The following TENT2 variants were observed in gnomAD, a reference collection of about 807,000 sequenced individuals.
The protein encoded by TENT2 is terminal nucleotidyltransferase 2.
A neutral mutation model predicts 72.2 loss-of-function variants in TENT2; 44 were observed. The observed-to-expected ratio is 0.61, with a 90% CI of 0.48 to 0.78. The LOEUF (loss-of-function observed/expected upper bound fraction) is 0.78. Ranked by LOEUF, TENT2 falls within the 30% of genes least tolerant of loss-of-function variation. The probability of loss-of-function intolerance (pLI) is 0.00; values close to 1 mark genes in which losing one functional copy is unlikely to be tolerated. For synonymous variants in TENT2, 212 were observed against 192.5 expected (o/e 1.10, Z -0.84); for missense variants, 541 against 569.6 (o/e 0.95, Z 0.51).
At chr5:79,666,025 C>T (rs1452640375) in intron 11 of TENT2, among the ~76,000 whole-genome samples, 1 of 150,606 alleles carries the variant, frequency 6.6e-6, no homozygotes, top group African/African-American at 2.4e-5. Context: ...GCTCTGTTAC[C>T]CAGGCTGGGA....
chr5:79,669,168 T>C, intron 12 of TENT2, 140 bp downstream of exon 12: 1 of 1,018,962 alleles, frequency 9.8e-7, no homozygotes, highest in Non-Finnish European at 1.4e-6. Flanking sequence ...GTTGTAAAGT[T>C]GTCCAGAAAT....
chr5:79,642,054 C>CTTT (rs1784889441), intron 6 of TENT2, among the ~76,000 whole-genome samples: 1 of 151,770 alleles, frequency 6.6e-6, no homozygotes, highest in African/African-American at 2.4e-5. Flanking sequence ...TTGAGGCAGC[C>CTTT]TTTTTAAGAT....
At chr5:79,639,216 C>T (rs1782538141) in intron 4 of TENT2, among the ~76,000 whole-genome samples, 1 of 151,434 alleles carries the variant, frequency 6.6e-6, no homozygotes, top group Non-Finnish European at 1.5e-5. Flanking sequence ...ATTTGGTATT[C>T]TCAATTTTCT....
chr5:79,635,348 C>T (rs935840427), intron 4 of TENT2, among the ~76,000 whole-genome samples: 4 of 152,208 alleles, frequency 2.6e-5, no homozygotes, highest in African/African-American at 9.6e-5. Flanking sequence ...AATTCTTTCA[C>T]ATAAAAACTC....
intron 3 of TENT2, among the ~76,000 whole-genome samples, chr5:79,623,017 A>G (rs982037164): frequency 3.3e-5 from 5 of 152,010 alleles, no homozygotes; most frequent in African/African-American, 9.7e-5. Context: ...ACTAACCTCA[A>G]TATATACATG....
chr5:79,649,659 AT>A (rs1309619722), intron 10 of TENT2, among the ~76,000 whole-genome samples: 1 of 152,196 alleles, frequency 6.6e-6, no homozygotes, highest in African/African-American at 2.4e-5. Flanking sequence ...TGGCTCCCAA[AT>A]TTTAATTTTG....
intron 3 of TENT2, among the ~76,000 whole-genome samples, chr5:79,622,684 T>C (rs1580200253): frequency 6.6e-6 from 1 of 152,222 alleles, no homozygotes; most frequent in African/African-American, 2.4e-5. Flanking sequence ...TTTTCTTCTA[T>C]ATAACCAAAA....
At chr5:79,659,990 G>T (rs1428455349) in intron 11 of TENT2, among the ~76,000 whole-genome samples, 1 of 151,796 alleles carries the variant, frequency 6.6e-6, no homozygotes, top group African/African-American at 2.4e-5. Flanking sequence ...AGGAAACCGC[G>T]GAGTTCTTTT....
Position 79,688,061 on chromosome 5 carries a change from C to T in TENT2, c.*2788C>T, listed in dbSNP as rs1826598760. Reference sequence around the variant, plus strand: ...GGAAGCCTTGACTCTGCTGTTTTCCCTCCTTATGCCCCACTAGCTGATGTA... The same window carrying T: ...GGAAGCCTTGACTCTGCTGTTTTCCTTCCTTATGCCCCACTAGCTGATGTA... On this transcript the variant is annotated 3_prime_UTR_variant, in exon 15 of 15. Coordinates refer to ENST00000453514, the MANE Select transcript of TENT2 (RefSeq NM_001114394.3). Among the ~76,000 whole-genome samples the T allele has an allele frequency of 6.6e-6, 1 of 152,166 alleles. No individual in the cohort carries two copies. Among genetic ancestry groups the T allele is most frequent in the Admixed American group, 6.5e-5 (1 of 15,272 alleles).
chr5:79,665,445 A>G (rs1199705339), intron 11 of TENT2, among the ~76,000 whole-genome samples: 2 of 152,196 alleles, frequency 1.3e-5, no homozygotes, highest in Non-Finnish European at 2.9e-5. Flanking sequence ...CAGTCTCAGA[A>G]AAAAATGATG....
At chr5:79,631,335 G>A (rs372733989) in intron 4 of TENT2, among the ~76,000 whole-genome samples, 215 of 152,344 alleles carry the variant, frequency 1.4e-3, no homozygotes, top group African/African-American at 5.1e-3. Flanking sequence ...TAGAATGGAA[G>A]AGGAGGAAGA....
intron 3 of TENT2, among the ~76,000 whole-genome samples, chr5:79,621,934 G>A (rs1765351322): frequency 6.6e-6 from 1 of 151,996 alleles, no homozygotes; most frequent in Non-Finnish European, 1.5e-5. Flanking sequence ...TTTTACCTGT[G>A]AGTAGGGGTT....
intron 11 of TENT2, among the ~76,000 whole-genome samples, chr5:79,658,968 G>A (rs1170090600): frequency 6.6e-6 from 1 of 152,054 alleles, no homozygotes; most frequent in Non-Finnish European, 1.5e-5. Flanking sequence ...CTGTAATGGG[G>A]AAATAGATTT....
intron 7 of TENT2, 156 bp downstream of exon 7, chr5:79,643,066 A>G: frequency 1.3e-6 from 1 of 764,908 alleles, no homozygotes; most frequent in African/African-American, 1.9e-5. Flanking sequence ...TTTTGATGAA[A>G]AAGAAGAGTG....
rs575700352 is a variant in TENT2 at position 79,649,146 on chromosome 5, T to C, written c.983T>C (p.Leu328Ser). 3 of 1,613,574 alleles carry C rather than the reference T, an allele frequency of 1.9e-6. No individual in the cohort carries two copies. The African/African-American group carries it at 4.0e-5, about 22-fold the overall frequency. ...ATAAATGATGCCAGTCGTGGTACTT[T>C]AAGCAGCTATAGTCTTGTATTGATG... ...HQINDASRGT[L>S]SSYSLVLMVL... The change falls in exon 10 of 15, where the codon TTA (leucine) becomes TCA (serine). Residue 328 changes from leucine (L) to serine (S), a missense_variant. Leu to Ser is a moderately radical substitution (Grantham distance 145, BLOSUM62 -2). Coordinates refer to ENST00000453514, the MANE Select transcript of TENT2 (RefSeq NM_001114394.3).
chr5:79,619,590 T>C (rs1763124828), intron 1 of TENT2, 22 bp from the exon 2 acceptor site: 3 of 1,485,212 alleles, frequency 2.0e-6, no homozygotes, highest in Non-Finnish European at 2.7e-6. Context: ...TAATTTAATA[T>C]TGTCTTTTTA....
chr5:79,668,725 A>G, intron 11 of TENT2, 167 bp from the exon 12 acceptor site: 1 of 645,932 alleles, frequency 1.5e-6, no homozygotes, highest in Non-Finnish European at 2.6e-6. Flanking sequence ...GTCTACTGCA[A>G]ATACTGGTGA....
intron 12 of TENT2, among the ~76,000 whole-genome samples, chr5:79,669,560 T>C (rs1811265805): frequency 6.6e-6 from 1 of 152,076 alleles, no homozygotes; most frequent in Admixed American, 6.6e-5. Flanking sequence ...GAACTGAAAG[T>C]TCTTATGTGA....
At chr5:79,621,039 C>T (rs1764347241) in intron 3 of TENT2, among the ~76,000 whole-genome samples, 1 of 151,800 alleles carries the variant, frequency 6.6e-6, no homozygotes, top group South Asian at 2.1e-4. Flanking sequence ...TACTTAAAAA[C>T]CTATATAAAC....
Sources: gnomAD v4.1 joint callset for allele counts (sites outside exome capture counted in the v4.1 genomes callset) on GRCh38, gnomAD v4.1.1 for gene constraint, MANE v1.5 for transcripts, NCBI Gene and HGNC (gene_info 2026-07-23, HGNC 2026-07-21) for gene names.